CNTNAP3B: variants seen among roughly 807,000 people sequenced by gnomAD.
CNTNAP3B encodes contactin-associated protein-like 3B.
CNTNAP3B carries 25 observed loss-of-function variants against 108.9 expected under a neutral mutation model. The observed-to-expected ratio is 0.23, with a 90% CI of 0.17 to 0.32. The LOEUF (loss-of-function observed/expected upper bound fraction) is 0.32, where lower values mean the gene tolerates loss of function less well. Among genes scored for constraint, CNTNAP3B ranks in the 10% least tolerant of loss-of-function variants. The pLI, the probability that CNTNAP3B is intolerant of heterozygous loss-of-function variation, is 1.00. For missense variants in CNTNAP3B, 252 were observed against 1,210.4 expected, an observed-to-expected ratio of 0.21 and a Z score of 11.75; for synonymous variants, 103 against 473.4, an observed-to-expected ratio of 0.22 and a Z score of 10.16.
At chr9:42,087,116 T>C (rs55991106) in intron 2 of CNTNAP3B, among the ~76,000 whole-genome samples, 22,519 of 140,674 alleles carry the variant, frequency 0.16, 1,983 homozygotes, top group Middle Eastern at 0.28. Flanking sequence ...ATCAGATTGT[T>C]ACTACTACAT....
intron 3 of CNTNAP3B, among the ~76,000 whole-genome samples, chr9:42,041,701 C>G (rs2033578625): frequency 7.1e-6 from 1 of 140,740 alleles, no homozygotes; most frequent in Admixed American, 7.1e-5. Flanking sequence ...GGATCTAGAA[C>G]CAGAAATACC....
chr9:41,932,289 T>C (rs1195271230), intron 14 of CNTNAP3B, among the ~76,000 whole-genome samples: 1 of 152,094 alleles, frequency 6.6e-6, no homozygotes, highest in Non-Finnish European at 1.5e-5. Flanking sequence ...GTAAGAGAAC[T>C]TTCAAAGACT....
chr9:42,121,116 A>C (rs1228376364), intron 1 of CNTNAP3B, among the ~76,000 whole-genome samples: 1 of 138,796 alleles, frequency 7.2e-6, no homozygotes, highest in East Asian at 2.2e-4. Flanking sequence ...CCCCAAGGGC[A>C]GTGCTGAATC....
intron 13 of CNTNAP3B, among the ~76,000 whole-genome samples, chr9:41,943,503 C>T (rs555354965): frequency 7.9e-5 from 12 of 152,088 alleles, no homozygotes; most frequent in African/African-American, 2.7e-4. Context: ...CAGGCGCCTG[C>T]CACCACGCCC....
At chr9:42,066,423 CTT>C (rs1158361481) in intron 3 of CNTNAP3B, among the ~76,000 whole-genome samples, 16,907 of 51,926 alleles carry the variant, frequency 0.33, 1,651 homozygotes, top group East Asian at 0.56. Flanking sequence ...GCTGTTGAAT[CTT>C]TTTTTTTTTT....
chr9:41,953,230 T>C lies in CNTNAP3B; in HGVS notation c.2033A>G (p.Gln678Arg). The change falls in exon 13 of 24, where the codon CAG becomes CGG. Residue 678 changes from glutamine (Q) to arginine (R), a missense_variant. Coordinates refer to ENST00000377561, the MANE Select transcript of CNTNAP3B (RefSeq NM_001201380.3). ...AAVNLAERCEQRLALRCGTAR... is the reference protein window; with the variant it reads ...AAVNLAERCERRLALRCGTAR... The stretch of plus-strand genomic sequence containing the variant: ...TGTCCCGCAGCGCAGAGCCAGCCGC[T>C]GCTCGCAGCGCTCCGCCAGGTTCAC... The C allele has an allele frequency of 1.3e-6, 2 of 1,529,284 alleles. No individual in the cohort carries two copies. Among genetic ancestry groups the C allele is most frequent in the Non-Finnish European group, 1.7e-6 (2 of 1,147,228 alleles). The allele number at this position is 1,529,284 out of a possible 1,614,324, so 94.7% of individuals were successfully genotyped here.
At chr9:42,047,571 T>TCCTTCCTTC (rs1335681714) in intron 3 of CNTNAP3B, among the ~76,000 whole-genome samples, 1 of 46,342 alleles carries the variant, frequency 2.2e-5, no homozygotes, top group Non-Finnish European at 4.3e-5. Flanking sequence ...CATTCAGACT[T>TCCTTCCTTC]CCTTCCTTCC....
intron 13 of CNTNAP3B, among the ~76,000 whole-genome samples, chr9:41,949,889 A>G (rs1824626647): frequency 6.6e-6 from 1 of 152,208 alleles, no homozygotes; most frequent in African/African-American, 2.4e-5. Flanking sequence ...GAATCTCATC[A>G]AAATTAAAAC....
In CNTNAP3B at chr9:41,934,122, T is replaced by TATATATATACAC. The variant is rs1214326050; in HGVS notation, c.2237+4121_2237+4122insGTGTATATATAT. On this transcript the variant is annotated intron_variant, in intron 14 of 23. Transcript: ENST00000377561. The stretch of plus-strand genomic sequence containing the variant: ...TTACATATATATATATATATATATA[T>TATATATATACAC]ACACACACATATATATATACACACA... Among the ~76,000 whole-genome samples the TATATATATACAC allele has an allele frequency of 1.4e-4, 10 of 73,472 alleles. 1 individual carries two copies. The highest frequency in any genetic ancestry group is 4.7e-4 in the African/African-American group (8 of 17,036). 48.2% of individuals were successfully genotyped at this position (73,472 alleles called of 152,430 possible).
At chr9:42,087,026 G>T (rs1041740590) in intron 2 of CNTNAP3B, among the ~76,000 whole-genome samples, 1 of 133,388 alleles carries the variant, frequency 7.5e-6, no homozygotes, top group Non-Finnish European at 1.6e-5. Flanking sequence ...AACAGGTCCT[G>T]CACACCTTTC....
At chr9:41,920,840 G>T (rs76910142) in intron 17 of CNTNAP3B, among the ~76,000 whole-genome samples, 2 of 151,378 alleles carry the variant, frequency 1.3e-5, no homozygotes, top group African/African-American at 2.4e-5. Flanking sequence ...AGGAGGGGAA[G>T]TTGGAAGGGG....
chr9:41,977,962 C>A (rs1294487912), intron 9 of CNTNAP3B, among the ~76,000 whole-genome samples: 4 of 137,172 alleles, frequency 2.9e-5, no homozygotes, highest in African/African-American at 1.2e-4. Flanking sequence ...CTGTCTCCAA[C>A]ATAATTTTAA....
At chr9:41,965,634 C>T (rs1306754871) in intron 10 of CNTNAP3B, among the ~76,000 whole-genome samples, 1 of 151,016 alleles carries the variant, frequency 6.6e-6, no homozygotes, top group Non-Finnish European at 1.5e-5. Flanking sequence ...CACTGACCTT[C>T]CAGGCCGTGA....
chr9:41,923,568 C>T (rs1313986634), intron 16 of CNTNAP3B, among the ~76,000 whole-genome samples: 4 of 152,280 alleles, frequency 2.6e-5, no homozygotes, highest in African/African-American at 9.6e-5. Context: ...TGAAGACCAG[C>T]CTGGTCAACA....
chr9:42,111,311 G>A (rs2118714844), intron 1 of CNTNAP3B, among the ~76,000 whole-genome samples: 1 of 139,408 alleles, frequency 7.2e-6, no homozygotes, highest in African/African-American at 2.8e-5. Flanking sequence ...TGTGCCAGGT[G>A]TGCCCCTATG....
At chr9:41,916,374 A>G (rs972923031) in intron 18 of CNTNAP3B, among the ~76,000 whole-genome samples, 2 of 148,670 alleles carry the variant, frequency 1.3e-5, no homozygotes, top group Non-Finnish European at 3.0e-5. Flanking sequence ...GAAATATGAC[A>G]TTATACTTTC....
intron 12 of CNTNAP3B, among the ~76,000 whole-genome samples, chr9:41,956,491 C>T (rs147280567): frequency 5.1e-4 from 78 of 152,332 alleles, no homozygotes; most frequent in African/African-American, 1.8e-3. Flanking sequence ...CTACTGTAAA[C>T]GGGGATTGTC....
At chr9:41,956,289 G>T (rs1196283425) in intron 12 of CNTNAP3B, among the ~76,000 whole-genome samples, 1 of 151,582 alleles carries the variant, frequency 6.6e-6, no homozygotes, top group Non-Finnish European at 1.5e-5. Flanking sequence ...GGGAGGCCGA[G>T]GCAGAAGAAT....
At chr9:42,086,540 G>A (rs1827709726) in intron 2 of CNTNAP3B, among the ~76,000 whole-genome samples, 1 of 128,272 alleles carries the variant, frequency 7.8e-6, no homozygotes, top group African/African-American at 3.2e-5. Flanking sequence ...CACCTCCCAG[G>A]TTCAAGCGAT....
Sources: allele counts gnomAD v4.1 joint callset (sites outside exome capture counted in the v4.1 genomes callset), GRCh38; gene constraint gnomAD v4.1.1; transcripts MANE v1.5; gene names NCBI Gene and HGNC (gene_info 2026-07-23, HGNC 2026-07-21).